PXDNL: variants seen among roughly 807,000 people sequenced by gnomAD.
PXDNL encodes peroxidasin like.
Under a neutral mutation model 150.8 loss-of-function variants are expected in PXDNL, and 145 were observed. The ratio of observed to expected loss-of-function variants is 0.96; its 90% CI spans 0.84 to 1.10. The LOEUF (loss-of-function observed/expected upper bound fraction) is 1.10, where lower values mean the gene tolerates loss of function less well. Among genes scored for constraint, PXDNL ranks in the 50% least tolerant of loss-of-function variants. PXDNL has a pLI of 0.00. For missense variants in PXDNL, 2,087 were observed against 1,873.9 expected (o/e 1.11, Z -2.10); for synonymous variants, 757 against 725.7 (o/e 1.04, Z -0.69).
intron 1 of PXDNL, among the ~76,000 whole-genome samples, chr8:51,697,088 G>A (rs1816164653): frequency 6.6e-6 from 1 of 152,146 alleles, no homozygotes; most frequent in Admixed American, 6.5e-5. Context: ...AGGATCACTT[G>A]AGGTCAGGAG....
At chr8:51,659,861 T>G (rs949171400) in intron 1 of PXDNL, among the ~76,000 whole-genome samples, 4 of 66,360 alleles carry the variant, frequency 6.0e-5, no homozygotes, top group Admixed American at 4.0e-4. Flanking sequence ...ATTGCAGTAT[T>G]TATTTATTTA....
In PXDNL at chr8:51,703,359, T is replaced by A. The variant is rs78408142; in HGVS notation, c.165-48599A>T. Among the ~76,000 whole-genome samples the A allele has an allele frequency of 5.2e-3, 791 of 152,262 alleles. 2 individuals are homozygous for A. The highest frequency in any genetic ancestry group is 0.018 in the African/African-American group (754 of 41,554). On this transcript the variant is annotated intron_variant, in intron 1 of 22. Transcript: ENST00000356297. ...GCACAGAATGCAGCCAAAGAAAACA[T>A]TTCAAAATATTTCCCCAACAATTAC...
chr8:51,357,931 A>T (rs1336998464), intron 19 of PXDNL, among the ~76,000 whole-genome samples: 1 of 152,224 alleles, frequency 6.6e-6, no homozygotes, highest in Admixed American at 6.5e-5. Context: ...ACTGATAAGT[A>T]AAATCAGAAT....
intron 1 of PXDNL, among the ~76,000 whole-genome samples, chr8:51,799,414 G>T (rs2037595912): frequency 6.6e-6 from 1 of 152,108 alleles, no homozygotes. Flanking sequence ...TTTAAAAAAA[G>T]ATATCTTCCT....
At chr8:51,403,416 T>C (rs1250172582) in intron 17 of PXDNL, among the ~76,000 whole-genome samples, 1 of 150,134 alleles carries the variant, frequency 6.7e-6, no homozygotes, top group Admixed American at 6.6e-5. Context: ...CCGGAACTCC[T>C]CTGCTGTCCT....
chr8:51,435,623 C>G (rs1809382005), intron 12 of PXDNL: 1 of 178,156 alleles, frequency 5.6e-6, no homozygotes, highest in Non-Finnish European at 1.3e-5. Flanking sequence ...CAAGAGGAAA[C>G]AGCATGGAGG....
chr8:51,706,803 C>G (rs556358993), intron 1 of PXDNL, among the ~76,000 whole-genome samples: 2 of 152,158 alleles, frequency 1.3e-5, no homozygotes, highest in Non-Finnish European at 2.9e-5. Flanking sequence ...TTCTTACGCT[C>G]CTCTTTGCTA....
At chr8:51,503,785 A>G (rs185701773) in intron 4 of PXDNL, among the ~76,000 whole-genome samples, 86 of 152,334 alleles carry the variant, frequency 5.6e-4, no homozygotes, top group Middle Eastern at 6.8e-3. Context: ...AGATGATTTC[A>G]TCAACATCCA....
chr8:51,553,209 G>A (rs1812529384), intron 4 of PXDNL, among the ~76,000 whole-genome samples: 1 of 152,198 alleles, frequency 6.6e-6, no homozygotes, highest in South Asian at 2.1e-4. Flanking sequence ...CACACCCAAA[G>A]CTCTCGTGGG....
intron 17 of PXDNL, among the ~76,000 whole-genome samples, chr8:51,392,806 C>T (rs1200335677): frequency 6.6e-6 from 1 of 152,176 alleles, no homozygotes; most frequent in African/African-American, 2.4e-5. Context: ...GAGGGCATAC[C>T]TGTCTTGAAA....
At chr8:51,342,251 T>G (rs1417667358) in intron 20 of PXDNL, among the ~76,000 whole-genome samples, 1 of 151,914 alleles carries the variant, frequency 6.6e-6, no homozygotes, top group East Asian at 1.9e-4. Flanking sequence ...CAGTAAAGTA[T>G]AAGAGAAAAA....
chr8:51,484,174 C>T (rs377413800), intron 5 of PXDNL, among the ~76,000 whole-genome samples: 36 of 152,088 alleles, frequency 2.4e-4, no homozygotes, highest in African/African-American at 7.5e-4. Flanking sequence ...TGGTGGCTCA[C>T]GCCTGTAATC....
rs1158975858 is a variant in PXDNL at position 51,411,373 on chromosome 8, A to G, written c.1939T>C (p.Phe647Leu). 1 of 1,575,502 alleles carries G rather than the reference A, an allele frequency of 6.3e-7. No homozygotes were observed. Among genetic ancestry groups the G allele is most frequent in the Non-Finnish European group, 8.6e-7 (1 of 1,166,402 alleles). ...ATCAGTGGGTCACGCGGGTAATGAA[A>G]TTGAGCCAGCAGGTCACTGGAGGTG... is the stretch of plus-strand genomic sequence containing the variant. ...PHTSSDLLAQ[F>L]HYPRDPLIVE... The change falls in exon 16 of 23, where the codon TTT becomes CTT. Residue 647 changes from phenylalanine to leucine, a missense_variant. Transcript: ENST00000356297.
At chr8:51,787,557 T>C (rs1300904161) in intron 1 of PXDNL, among the ~76,000 whole-genome samples, 1 of 152,224 alleles carries the variant, frequency 6.6e-6, no homozygotes, top group Non-Finnish European at 1.5e-5. Flanking sequence ...GAATTTGAAG[T>C]GGAGCCTGTG....
intron 17 of PXDNL, among the ~76,000 whole-genome samples, chr8:51,376,266 A>T (rs1205724995): frequency 6.6e-6 from 1 of 152,230 alleles, no homozygotes; most frequent in Admixed American, 6.5e-5. Context: ...TACAGCCTGG[A>T]ACAGACAGGC....
intron 17 of PXDNL, among the ~76,000 whole-genome samples, chr8:51,400,711 G>T (rs990416143): frequency 6.6e-6 from 1 of 152,140 alleles, no homozygotes; most frequent in African/African-American, 2.4e-5. Context: ...GGTTAAGTGT[G>T]TGCATTTTTA....
chr8:51,734,011 A>C (rs542805771), intron 1 of PXDNL, among the ~76,000 whole-genome samples: 1 of 152,070 alleles, frequency 6.6e-6, no homozygotes, highest in Non-Finnish European at 1.5e-5. Context: ...GGTTAACTCT[A>C]GACATCATTG....
intron 1 of PXDNL, among the ~76,000 whole-genome samples, chr8:51,779,065 A>G (rs1170583771): frequency 2.0e-5 from 3 of 152,264 alleles, no homozygotes; most frequent in Admixed American, 6.5e-5. Context: ...ACTGATAACC[A>G]TAAACAAAGA....
intron 2 of PXDNL, among the ~76,000 whole-genome samples, chr8:51,642,245 T>C (rs999922667): frequency 3.3e-5 from 5 of 151,496 alleles, no homozygotes; most frequent in African/African-American, 1.2e-4. Flanking sequence ...TTAGGAGATA[T>C]ACCTAATGCT....
Sources: allele counts gnomAD v4.1 joint callset (sites outside exome capture counted in the v4.1 genomes callset), GRCh38; gene constraint gnomAD v4.1.1; transcripts MANE v1.5; gene names NCBI Gene and HGNC (gene_info 2026-07-23, HGNC 2026-07-21).